Variants in RNF14 observed in about 807,000 individuals in gnomAD.
The protein encoded by RNF14 is E3 ubiquitin-protein ligase RNF14.
A neutral mutation model predicts 52.6 loss-of-function variants in RNF14; 26 were observed. The ratio of observed to expected loss-of-function variants is 0.49; its 90% CI spans 0.36 to 0.69. The LOEUF is 0.69. Among genes scored for constraint, RNF14 ranks in the 30% least tolerant of loss-of-function variants. The probability of loss-of-function intolerance (pLI) is 0.00; values close to 1 mark genes in which losing one functional copy is unlikely to be tolerated. For synonymous variants in RNF14, 194 were observed against 202.0 expected, an observed-to-expected ratio of 0.96 and a Z score of 0.34; for missense variants, 404 against 560.4, an observed-to-expected ratio of 0.72 and a Z score of 2.82.
intron 1 of RNF14, among the ~76,000 whole-genome samples, chr5:141,959,730 A>G (rs973667951): frequency 2.6e-4 from 40 of 152,188 alleles, no homozygotes; most frequent in African/African-American, 8.2e-4. Context: ...AGGTTTCCCA[A>G]CTATTTCACT....
At chr5:141,984,711 C>T in intron 7 of RNF14, 92 bp from the exon 8 acceptor site, 1 of 1,203,598 alleles carries the variant, frequency 8.3e-7, no homozygotes, top group South Asian at 1.3e-5. Context: ...AGGGAGAGGA[C>T]CAAGACAATG....
chr5:141,985,656 T>C (rs557658575), intron 8 of RNF14, among the ~76,000 whole-genome samples: 1 of 152,258 alleles, frequency 6.6e-6, no homozygotes, highest in Non-Finnish European at 1.5e-5. Flanking sequence ...CCCGGGTTCA[T>C]GCCATTCTGC....
intron 4 of RNF14, among the ~76,000 whole-genome samples, chr5:141,977,879 C>T (rs1278804952): frequency 6.6e-6 from 1 of 152,096 alleles, no homozygotes. Context: ...TTCTAGGATA[C>T]GAACAGGGCT....
At chr5:141,975,981 T>C (rs958905413) in intron 4 of RNF14, among the ~76,000 whole-genome samples, 2 of 151,570 alleles carry the variant, frequency 1.3e-5, no homozygotes, top group African/African-American at 4.8e-5. Context: ...CCTCAAGGAA[T>C]AGCTCATTAG....
upstream of RNF14, chr5:141,956,761 G>A: frequency 6.2e-7 from 1 of 1,614,228 alleles, no homozygotes; most frequent in Non-Finnish European, 8.5e-7. Flanking sequence ...AAGAGCTTCT[G>A]ACACCAGTGA....
intron 5 of RNF14, among the ~76,000 whole-genome samples, chr5:141,979,132 ATTC>A (rs1393692314): frequency 1.3e-5 from 2 of 152,206 alleles, no homozygotes; most frequent in Non-Finnish European, 2.9e-5. Context: ...TCACTAGCTT[ATTC>A]TTGTGTGAGG....
chr5:141,986,456 T>C (rs1197871161), intron 8 of RNF14, among the ~76,000 whole-genome samples: 3 of 152,202 alleles, frequency 2.0e-5, no homozygotes, highest in South Asian at 4.1e-4. Flanking sequence ...GAGCATGTAG[T>C]AGTAATAATA....
chr5:141,983,258 T>A, intron 6 of RNF14, 122 bp from the exon 7 acceptor site: 1 of 789,500 alleles, frequency 1.3e-6, no homozygotes, highest in Non-Finnish European at 2.0e-6. Context: ...TTTGGATTAT[T>A]TCCTTATGAT....
Position 141,978,512 on chromosome 5 carries a change from T to G in RNF14, c.516T>G (p.Ala172=). The G allele has an allele frequency of 6.2e-7, 1 of 1,614,190 alleles. No homozygotes were observed. Among genetic ancestry groups the G allele is most frequent in the African/African-American group, 1.3e-5 (1 of 75,048 alleles). The change falls in exon 5 of 9, where the codon GCT becomes GCG. Residue 172 remains alanine, a synonymous_variant. Transcript: ENST00000394520. Reference sequence around the variant, plus strand: ...ACACAGAGCTAGATTTTGGAGGAGCTGCTGGATCTGATGTAGACCAAGAGG... The same window carrying G: ...ACACAGAGCTAGATTTTGGAGGAGCGGCTGGATCTGATGTAGACCAAGAGG... ...SPNTELDFGG[A]AGSDVDQEEI...
intron 4 of RNF14, among the ~76,000 whole-genome samples, chr5:141,976,710 A>C (rs922424152): frequency 2.6e-5 from 4 of 151,068 alleles, no homozygotes; most frequent in Non-Finnish European, 5.9e-5. Context: ...TCCTCCCCCA[A>C]TATACTTACA....
chr5:141,972,971 A>T (rs1197351927), intron 2 of RNF14, among the ~76,000 whole-genome samples: 2 of 152,212 alleles, frequency 1.3e-5, no homozygotes, highest in African/African-American at 4.8e-5. Context: ...GGACAAGTCA[A>T]AGTAAATTTG....
intron 3 of RNF14, among the ~76,000 whole-genome samples, chr5:141,974,540 A>T (rs1047646647): frequency 1.3e-5 from 2 of 152,246 alleles, no homozygotes; most frequent in African/African-American, 4.8e-5. Context: ...CATTAGTGTT[A>T]GGAATTGTAC....
chr5:141,956,377 T>A, upstream of RNF14: 1 of 1,614,226 alleles, frequency 6.2e-7, no homozygotes, highest in Non-Finnish European at 8.5e-7. Context: ...GACTTTTCCA[T>A]TAATGCCCAA....
rs765959330 is a variant in RNF14, at chr5:141,987,791, T to TTAAC, written c.*4_*7dup. 6.2e-7 allele frequency: 1 copy of TTAAC among 1,612,778 alleles called. No individual in the cohort carries two copies. Among genetic ancestry groups the TTAAC allele is most frequent in the Non-Finnish European group, 8.5e-7 (1 of 1,179,656 alleles). ...TTGGGAAGATGAGGTAGAAGACTAG[T>TTAAC]TAACTACTGCTCAAGATATGGAAGT... On this transcript the variant is annotated 3_prime_UTR_variant, in exon 9 of 9. Transcript: ENST00000394520.
upstream of RNF14, chr5:141,957,719 C>T (rs779944648): frequency 1.1e-5 from 18 of 1,614,140 alleles, no homozygotes; most frequent in South Asian, 3.3e-5. The surrounding 1 kb of genome is among the most constrained non-coding windows in gnomAD (Gnocchi z 4.3). Flanking sequence ...TTCCCGATCA[C>T]TGTACCAGAT....
At chr5:141,955,156 G>C (rs61737140), upstream of RNF14, 4 of 1,614,214 alleles carry the variant, frequency 2.5e-6, no homozygotes, top group Non-Finnish European at 3.4e-6. This position sits in a 1 kb window ranked among gnomAD's most constrained non-coding sequence, Gnocchi z 5.5. Context: ...CCTCTGTGGG[G>C]CTTCCTCACT....
At chr5:141,956,272 T>G (rs1307609089), upstream of RNF14, 1 of 1,614,224 alleles carries the variant, frequency 6.2e-7, no homozygotes. Context: ...GCCGGCCATC[T>G]CTTCATAGTT....
upstream of RNF14, chr5:141,955,929 T>C (rs1296353500): frequency 3.7e-6 from 6 of 1,614,034 alleles, no homozygotes; most frequent in Non-Finnish European, 5.1e-6. This position sits in a 1 kb window ranked among gnomAD's most constrained non-coding sequence, Gnocchi z 5.5. Flanking sequence ...GGGCTTCATT[T>C]CCACTGCGGA....
rs1427753014 is a variant in RNF14, at chr5:141,978,331, A to G, written c.335A>G (p.Asn112Ser). Residue 112 changes from asparagine (N) to serine (S), a missense_variant, in exon 5 of 9, where the codon AAC becomes AGC. By Grantham distance (46) the Asn-to-Ser change is conservative. Transcript: ENST00000394520. ...QLSALCKHLD[N>S]LWEEHRGSVV... ...TCTGCTCTATGCAAGCACTTAGACA[A>G]CCTATGGGAAGAACACCGTGGCAGC... is the stretch of plus-strand genomic sequence containing the variant. 1.2e-5 allele frequency: 19 copies of G among 1,609,122 alleles called. No homozygotes were observed. The highest frequency in any genetic ancestry group is 1.5e-5 in the Non-Finnish European group (18 of 1,176,986).
Sources: gnomAD v4.1 joint callset for allele counts (sites outside exome capture counted in the v4.1 genomes callset) on GRCh38, gnomAD v4.1.1 for gene constraint, Gnocchi (gnomAD v3.1) non-coding constraint, MANE v1.5 for transcripts, NCBI Gene and HGNC (gene_info 2026-07-23, HGNC 2026-07-21) for gene names.